The following ARHGAP44 variants were observed in gnomAD, a reference collection of about 807,000 sequenced individuals.
The protein encoded by ARHGAP44 is rho GTPase-activating protein 44.
ARHGAP44 carries 43 observed loss-of-function variants against 106.8 expected under a neutral mutation model. The observed-to-expected ratio is 0.40, with a 90% CI of 0.32 to 0.52. The LOEUF is 0.52. Among genes scored for constraint, ARHGAP44 ranks in the 20% least tolerant of loss-of-function variants. ARHGAP44 has a pLI of 0.48. For synonymous variants in ARHGAP44, 439 were observed against 410.3 expected, an observed-to-expected ratio of 1.07 and a Z score of -0.85; for missense variants, 866 against 1,050.5, an observed-to-expected ratio of 0.82 and a Z score of 2.43.
At chr17:12,989,097 C>A (rs576486048) in intron 20 of ARHGAP44, among the ~76,000 whole-genome samples, 16 of 53,172 alleles carry the variant, frequency 3.0e-4, no homozygotes, top group South Asian at 1.2e-3. Context: ...AACTCCACCC[C>A]CCCCAAAAAA....
chr17:12,862,715 C>T (rs1227016439), intron 1 of ARHGAP44, among the ~76,000 whole-genome samples: 1 of 152,096 alleles, frequency 6.6e-6, no homozygotes. Flanking sequence ...ATGATTGGGG[C>T]CAGGTGCAGT....
At chr17:12,989,680 C>T (rs1316903443) in intron 20 of ARHGAP44, among the ~76,000 whole-genome samples, 2 of 152,134 alleles carry the variant, frequency 1.3e-5, no homozygotes, top group East Asian at 3.9e-4. Flanking sequence ...GAATGAAATG[C>T]AGTCGTCTGA....
intron 1 of ARHGAP44, among the ~76,000 whole-genome samples, chr17:12,868,589 TTTTATATA>T (rs1454250345): frequency 0.17 from 17,475 of 104,702 alleles, 1,832 homozygotes; most frequent in East Asian, 0.24. Context: ...TATATATGCA[TTTTATATA>T]TATATATATA....
At chr17:12,931,147 T>C (rs7210931) in intron 7 of ARHGAP44, among the ~76,000 whole-genome samples, 2,555 of 151,704 alleles carry the variant, frequency 0.017, 79 homozygotes, top group African/African-American at 0.059. Context: ...TCTCGGCTCA[T>C]TGCAACCTCT....
intron 3 of ARHGAP44, among the ~76,000 whole-genome samples, chr17:12,899,697 G>A (rs78521945): frequency 2.5e-4 from 4 of 16,272 alleles, no homozygotes; most frequent in Non-Finnish European, 4.4e-4. Flanking sequence ...ACAATCACAC[G>A]GGAGTGTGGG....
At chr17:12,842,094 C>T (rs2035425450) in intron 1 of ARHGAP44, among the ~76,000 whole-genome samples, 1 of 151,774 alleles carries the variant, frequency 6.6e-6, no homozygotes, top group Non-Finnish European at 1.5e-5. Context: ...TCGCTTGGAC[C>T]CCGCTCCCAA....
chr17:12,949,754 G>A lies in ARHGAP44; in HGVS notation c.1055+24G>A, dbSNP rs1465041491. On this transcript the variant is annotated intron_variant, in intron 12 of 20. Transcript: ENST00000379672. This position sits in a 1 kb window ranked among gnomAD's most constrained non-coding sequence, Gnocchi z 4.1. The stretch of plus-strand genomic sequence containing the variant: ...AAGTGAGTACCCCTTGTTTTGGAAT[G>A]TCCTGTGAGTTACAGTTTATTTGGG... 2 of 1,594,438 alleles carry A rather than the reference G, an allele frequency of 1.3e-6. No individual in the cohort carries two copies. The highest frequency in any genetic ancestry group is 4.5e-5 in the East Asian group (2 of 44,770).
intron 1 of ARHGAP44, among the ~76,000 whole-genome samples, chr17:12,828,690 G>T (rs2150808698): frequency 7.7e-6 from 1 of 129,220 alleles, no homozygotes; most frequent in Admixed American, 9.2e-5. Flanking sequence ...CACTCAGGCT[G>T]CAGTGCAGTG....
At chr17:12,913,968 C>CAAAAA (rs58231055) in intron 4 of ARHGAP44, among the ~76,000 whole-genome samples, 22,361 of 63,068 alleles carry the variant, frequency 0.35, 4,395 homozygotes, top group Non-Finnish European at 0.46. Flanking sequence ...GATTTTGTCT[C>CAAAAA]AAAAAAAAAA....
At chr17:12,855,526 A>AT (rs11478691) in intron 1 of ARHGAP44, among the ~76,000 whole-genome samples, 12 of 150,490 alleles carry the variant, frequency 8.0e-5, no homozygotes, top group Admixed American at 2.6e-4. Context: ...TCAGCATTTT[A>AT]TTTTTTTTTA....
chr17:12,954,435 C>A (rs866620747), intron 13 of ARHGAP44, among the ~76,000 whole-genome samples: 1 of 152,214 alleles, frequency 6.6e-6, no homozygotes, highest in Non-Finnish European at 1.5e-5. Flanking sequence ...CTGGCCAGCC[C>A]ATGGGTTGGC....
At chr17:12,813,032 C>G (rs1003705537) in intron 1 of ARHGAP44, among the ~76,000 whole-genome samples, 1 of 152,212 alleles carries the variant, frequency 6.6e-6, no homozygotes, top group African/African-American at 2.4e-5. Context: ...TTGGTTTACT[C>G]AGCTCCATTA....
At chr17:12,822,190 A>G (rs1459964727) in intron 1 of ARHGAP44, among the ~76,000 whole-genome samples, 1 of 152,264 alleles carries the variant, frequency 6.6e-6, no homozygotes, top group Non-Finnish European at 1.5e-5. Flanking sequence ...ATTATAGTGA[A>G]TAAACAGTCA....
intron 20 of ARHGAP44, chr17:12,986,132 T>G (rs2039949983): frequency 6.6e-6 from 1 of 152,218 alleles, no homozygotes; most frequent in Non-Finnish European, 1.5e-5. Flanking sequence ...AGCCATCTGG[T>G]GATTCGGCTT....
At chr17:12,953,357 C>T (rs2039046319) in intron 13 of ARHGAP44, among the ~76,000 whole-genome samples, 1 of 152,210 alleles carries the variant, frequency 6.6e-6, no homozygotes, top group South Asian at 2.1e-4. Context: ...CCCGGCCCTG[C>T]CGCCTTTCCT....
chr17:12,988,342 TGG>T (rs973581521), intron 20 of ARHGAP44: 2 of 152,262 alleles, frequency 1.3e-5, no homozygotes, highest in African/African-American at 4.8e-5. Flanking sequence ...CTGACATATT[TGG>T]GATTTTTGAA....
intron 3 of ARHGAP44, 78 bp downstream of exon 3, chr17:12,896,589 A>T: frequency 7.9e-7 from 1 of 1,260,290 alleles, no homozygotes; most frequent in Non-Finnish European, 1.1e-6. Context: ...ACACTCCTGG[A>T]TGTAGCTGTT....
intron 7 of ARHGAP44, among the ~76,000 whole-genome samples, chr17:12,936,254 T>C (rs2038545749): frequency 6.6e-6 from 1 of 152,316 alleles, no homozygotes; most frequent in South Asian, 2.1e-4. Context: ...TAGCGTTGTA[T>C]ATTCTGGGGG....
intron 1 of ARHGAP44, among the ~76,000 whole-genome samples, chr17:12,852,913 A>G (rs1390873943): frequency 6.6e-6 from 1 of 152,122 alleles, no homozygotes; most frequent in African/African-American, 2.4e-5. Flanking sequence ...GGTCAGGTGG[A>G]TTTTTTAAAG....
Sources: gnomAD v4.1 joint callset for allele counts (sites outside exome capture counted in the v4.1 genomes callset) on GRCh38, gnomAD v4.1.1 for gene constraint, Gnocchi (gnomAD v3.1) non-coding constraint, MANE v1.5 for transcripts, NCBI Gene and HGNC (gene_info 2026-07-23, HGNC 2026-07-21) for gene names.